The following CCDC60 variants were observed in gnomAD, a reference collection of about 807,000 sequenced individuals.
CCDC60 encodes the protein coiled-coil domain-containing protein 60.
In CCDC60, 54 loss-of-function variants were observed where a neutral mutation model predicts 63.5. That is an observed-to-expected ratio of 0.85 (90% CI 0.68 to 1.07). CCDC60 has a LOEUF of 1.07. Ranked by LOEUF, CCDC60 falls within the 50% of genes least tolerant of loss-of-function variation. The pLI, the probability that CCDC60 is intolerant of heterozygous loss-of-function variation, is 0.00. For synonymous variants in CCDC60, 206 were observed against 238.8 expected (o/e 0.86, Z 1.27); for missense variants, 651 against 684.3 (o/e 0.95, Z 0.54).
rs76171886 is a variant in CCDC60 at position 119,524,486 on chromosome 12, A to G, written c.1229+668A>G. 2.7e-3 allele frequency: 2,669 copies of G among 978,598 alleles called. 48 individuals carry two copies. In the African/African-American group the frequency reaches 0.044, roughly 16 times the overall value. 60.6% of individuals were successfully genotyped at this position (978,598 alleles called of 1,614,324 possible). A position where few individuals can be genotyped will look rare whatever the true frequency, so the allele number is the denominator to read the frequency against. ...CCCGTTGCACTCTCATTTTCACAGC[A>G]CTAATGGGCTGAATGCTCTGGGGCT... On this transcript the variant is annotated intron_variant, in intron 11 of 13. Transcript: ENST00000327554.
chr12:119,516,175 G>A (rs1369952885), intron 7 of CCDC60, among the ~76,000 whole-genome samples: 4 of 151,984 alleles, frequency 2.6e-5, no homozygotes, highest in South Asian at 2.1e-4. Flanking sequence ...GCATGATCTC[G>A]GCTCGCTGCA....
chr12:119,490,161 C>G (rs962646118), intron 5 of CCDC60, among the ~76,000 whole-genome samples: 1 of 152,158 alleles, frequency 6.6e-6, no homozygotes, highest in Admixed American at 6.5e-5. Context: ...TAGATCTCCT[C>G]CACCCCCAAG....
chr12:119,429,324 G>C (rs1325985750), intron 2 of CCDC60, among the ~76,000 whole-genome samples: 2 of 152,076 alleles, frequency 1.3e-5, no homozygotes, highest in African/African-American at 4.8e-5. Flanking sequence ...CCTGATGACT[G>C]AGGCCCAGGA....
intron 1 of CCDC60, among the ~76,000 whole-genome samples, chr12:119,353,459 ACT>A (rs940749151): frequency 7.3e-6 from 1 of 136,468 alleles, no homozygotes; most frequent in African/African-American, 2.8e-5. Context: ...TCTCTCTCTC[ACT>A]CTCTGTCCAT....
chr12:119,401,724 C>CAA (rs1247241695), intron 1 of CCDC60, among the ~76,000 whole-genome samples: 2 of 152,208 alleles, frequency 1.3e-5, no homozygotes, highest in African/African-American at 4.8e-5. Context: ...GGATATCATA[C>CAA]AAATATTCAA....
At chr12:119,408,317 A>G (rs554523312) in intron 1 of CCDC60, among the ~76,000 whole-genome samples, 2 of 152,354 alleles carry the variant, frequency 1.3e-5, no homozygotes, top group Non-Finnish European at 2.9e-5. Context: ...TCGGGAATCT[A>G]GGCATGGCTT....
At chr12:119,376,542 C>T (rs1376985172) in intron 1 of CCDC60, among the ~76,000 whole-genome samples, 1 of 152,034 alleles carries the variant, frequency 6.6e-6, no homozygotes, top group South Asian at 2.1e-4. Context: ...GTGGGAGGAT[C>T]GCTTGAACCT....
chr12:119,472,623 C>G (rs1951089478), intron 3 of CCDC60, among the ~76,000 whole-genome samples: 1 of 144,800 alleles, frequency 6.9e-6, no homozygotes, highest in Non-Finnish European at 1.5e-5. Flanking sequence ...CTCTGTTGCC[C>G]AGGCTGGAGT....
At chr12:119,344,650 A>G (rs970762065) in intron 1 of CCDC60, among the ~76,000 whole-genome samples, 1 of 152,160 alleles carries the variant, frequency 6.6e-6, no homozygotes, top group Non-Finnish European at 1.5e-5. Flanking sequence ...ATGACCCTCT[A>G]TTGTCCTGAA....
chr12:119,459,530 A>T (rs986150250), intron 2 of CCDC60, among the ~76,000 whole-genome samples: 1 of 152,232 alleles, frequency 6.6e-6, no homozygotes, highest in Admixed American at 6.5e-5. Flanking sequence ...TAGCCACAAG[A>T]TTAGAAATTA....
At chr12:119,430,965 T>C (rs1268435822) in intron 2 of CCDC60, among the ~76,000 whole-genome samples, 1 of 152,192 alleles carries the variant, frequency 6.6e-6, no homozygotes, top group Non-Finnish European at 1.5e-5. Flanking sequence ...AGTCTCATAT[T>C]CCTTTGCAGA....
chr12:119,417,851 T>A (rs1242208424), intron 1 of CCDC60, among the ~76,000 whole-genome samples: 1 of 152,196 alleles, frequency 6.6e-6, no homozygotes, highest in African/African-American at 2.4e-5. Flanking sequence ...ACCCTGAATG[T>A]CAGCAAGAAG....
intron 2 of CCDC60, among the ~76,000 whole-genome samples, chr12:119,459,203 G>T (rs1267631494): frequency 6.6e-6 from 1 of 152,140 alleles, no homozygotes; most frequent in African/African-American, 2.4e-5. Context: ...GTGGGGAAAA[G>T]GTATCCAGAC....
intron 2 of CCDC60, among the ~76,000 whole-genome samples, chr12:119,455,443 G>T (rs1175906885): frequency 6.6e-6 from 1 of 152,218 alleles, no homozygotes; most frequent in East Asian, 1.9e-4. Flanking sequence ...ACCTAGCCTG[G>T]AACTGAGAGG....
At chr12:119,537,341 G>C (rs913866638) in intron 13 of CCDC60, among the ~76,000 whole-genome samples, 3 of 152,140 alleles carry the variant, frequency 2.0e-5, no homozygotes, top group Non-Finnish European at 4.4e-5. Context: ...TAGCTTCCTT[G>C]CAATGGGTTC....
At chr12:119,361,198 C>CGATAGG in intron 1 of CCDC60, among the ~76,000 whole-genome samples, 1 of 109,958 alleles carries the variant, frequency 9.1e-6, no homozygotes, top group East Asian at 4.0e-4. Context: ...GAGAGGGAGA[C>CGATAGG]GAGAGGGAGA....
chr12:119,513,842 T>C (rs1228753321), intron 7 of CCDC60, among the ~76,000 whole-genome samples: 2 of 152,252 alleles, frequency 1.3e-5, no homozygotes, highest in Admixed American at 1.3e-4. Context: ...TTATATACAG[T>C]ACACAGTACT....
In CCDC60 at chr12:119,471,232, G is replaced by C. The variant is rs561561940; in HGVS notation, c.171-762G>C. Among the ~76,000 whole-genome samples, 8 of 152,344 alleles carry C rather than the reference G, an allele frequency of 5.3e-5. No individual in the cohort carries two copies. The South Asian group carries it at 1.4e-3, about 28-fold the overall frequency. ...TAGGAAATAGTGGTTGAGTTGGCATGAAAAGAATTATGAGGTCCCAACATA... is the reference window on the plus strand; with the variant it reads ...TAGGAAATAGTGGTTGAGTTGGCATCAAAAGAATTATGAGGTCCCAACATA... On this transcript the variant is annotated intron_variant, in intron 2 of 13. Transcript: ENST00000327554.
At chr12:119,349,639 C>A (rs1326890161) in intron 1 of CCDC60, among the ~76,000 whole-genome samples, 3 of 152,136 alleles carry the variant, frequency 2.0e-5, no homozygotes, top group South Asian at 2.1e-4. Context: ...GCGCCTGGCC[C>A]AGGGCGTGTT....
Sources: gnomAD v4.1 joint callset for allele counts (sites outside exome capture counted in the v4.1 genomes callset) on GRCh38, gnomAD v4.1.1 for gene constraint, MANE v1.5 for transcripts, NCBI Gene and HGNC (gene_info 2026-07-23, HGNC 2026-07-21) for gene names.